PVALEF: variants seen among roughly 807,000 people sequenced by gnomAD.
PVALEF encodes the protein parvalbumin-like EF-hand-containing protein.
Under a neutral mutation model 1.2 loss-of-function variants are expected in PVALEF, and 2 were observed. The observed-to-expected ratio is 1.68, with a 90% CI of 0.69 to 5.28. The LOEUF (loss-of-function observed/expected upper bound fraction) is 5.28. Ranked by LOEUF, PVALEF falls within the 30% of genes most tolerant of loss-of-function variation. The pLI, the probability that PVALEF is intolerant of heterozygous loss-of-function variation, is 0.06. For synonymous variants in PVALEF, 16 were observed against 6.5 expected (o/e 2.47, Z -2.24); for missense variants, 35 against 17.7 (o/e 1.97, Z -1.75).
intron 2 of PVALEF, among the ~76,000 whole-genome samples, chr17:81,178,496 C>T (rs570364340): frequency 7.2e-5 from 11 of 152,298 alleles, no homozygotes; most frequent in African/African-American, 1.4e-4. Flanking sequence ...GGGAGGAGGA[C>T]GTGGCTTGGA....
At chr17:81,176,376 G>A (rs769783176) in intron 2 of PVALEF, among the ~76,000 whole-genome samples, 7 of 152,168 alleles carry the variant, frequency 4.6e-5, no homozygotes, top group African/African-American at 4.8e-5. Context: ...AAAATTAGCC[G>A]GGCATGGTGG....
chr17:81,171,657 A>C (rs1451315950), intron 2 of PVALEF, among the ~76,000 whole-genome samples: 1 of 151,880 alleles, frequency 6.6e-6, no homozygotes, highest in Non-Finnish European at 1.5e-5. Context: ...ACACCCGGCT[A>C]ATTTTTTTGT....
intron 2 of PVALEF, among the ~76,000 whole-genome samples, chr17:81,175,644 T>C (rs1183496428): frequency 6.6e-6 from 1 of 152,110 alleles, no homozygotes; most frequent in Non-Finnish European, 1.5e-5. Flanking sequence ...CATAATATGG[T>C]CAAACGATTG....
rs1303286695 is a variant in PVALEF at position 81,165,718 on chromosome 17, C to CG, written c.-532dup. ...AGGCAGCCACGGAGTCACGACCACGCGGGGGACGCCAGCCCACAGGCGGAG... is the reference window on the plus strand; with the variant it reads ...AGGCAGCCACGGAGTCACGACCACGCGGGGGGACGCCAGCCCACAGGCGGAG... On this transcript the variant is annotated 5_prime_UTR_variant, in exon 1 of 7. It introduces an in-frame stop codon into an upstream open reading frame of the 5' UTR. Transcript: ENST00000637878. 2.0e-6 allele frequency: 3 copies of CG among 1,521,386 alleles called. No homozygotes were observed. Among genetic ancestry groups the CG allele is most frequent in the African/African-American group, 1.4e-5 (1 of 72,506 alleles). 94.2% of individuals were successfully genotyped at this position (1,521,386 alleles called of 1,614,324 possible).
intron 2 of PVALEF, among the ~76,000 whole-genome samples, chr17:81,168,737 G>T (rs897565343): frequency 6.6e-6 from 1 of 152,172 alleles, no homozygotes; most frequent in Non-Finnish European, 1.5e-5. Context: ...AAAAGGCCAA[G>T]AACCCAGCAG....
intron 2 of PVALEF, among the ~76,000 whole-genome samples, chr17:81,174,999 T>G (rs2146447056): frequency 6.6e-6 from 1 of 151,438 alleles, no homozygotes; most frequent in Admixed American, 6.6e-5. Context: ...ATGTTATATG[T>G]AAAGAATCTT....
chr17:81,177,877 C>T (rs1174446286), intron 2 of PVALEF, among the ~76,000 whole-genome samples: 1 of 152,236 alleles, frequency 6.6e-6, no homozygotes, highest in African/African-American at 2.4e-5. Flanking sequence ...TAACTGGCCA[C>T]TAATTGCTGC....
intron 2 of PVALEF, among the ~76,000 whole-genome samples, chr17:81,167,062 GCA>G: frequency 6.6e-6 from 1 of 152,194 alleles, no homozygotes; most frequent in East Asian, 1.9e-4. Context: ...GGAGGCCAGG[GCA>G]GGCGGGTGGC....
intron 3 of PVALEF, among the ~76,000 whole-genome samples, chr17:81,179,741 G>A (rs1302249267): frequency 3.9e-5 from 6 of 152,180 alleles, no homozygotes; most frequent in African/African-American, 1.4e-4. Flanking sequence ...GTTGCTGTGG[G>A]CAGACCACAG....
Position 81,181,663 on chromosome 17 carries a change from A to T in PVALEF, c.211A>T (p.Lys71Ter). 4.9e-6 allele frequency: 2 copies of T among 407,494 alleles called. No individual in the cohort carries two copies. Among genetic ancestry groups the T allele is most frequent in the Non-Finnish European group, 4.3e-6 (1 of 232,092 alleles). 25.2% of individuals were successfully genotyped at this position (407,494 alleles called of 1,614,324 possible). ...GGCCTTCCAGTCCCTGGACAAGGAC[A>T]AGAGTGGCTTCATTGAGTGGAACGA... ...HTAFQSLDKD[K>*]SGFIEWNEIK... Residue 71 changes from lysine (K) to a stop codon, truncating the protein, a stop_gained, in exon 5 of 7, where the codon AAG (lysine) becomes TAG (stop). Transcript: ENST00000637878. LOFTEE classifies it high-confidence loss of function.
intron 2 of PVALEF, among the ~76,000 whole-genome samples, chr17:81,178,478 G>A (rs947526751): frequency 6.4e-4 from 98 of 152,260 alleles, no homozygotes; most frequent in African/African-American, 2.3e-3. Context: ...ACCAGGGGAG[G>A]GTGGTTTGGG....
chr17:81,172,921 C>T (rs538634425), intron 2 of PVALEF, among the ~76,000 whole-genome samples: 1 of 151,992 alleles, frequency 6.6e-6, no homozygotes, highest in East Asian at 1.9e-4. Context: ...TGTGTAAGAA[C>T]CAGAGGGGCA....
chr17:81,175,937 A>G (rs997994681), intron 2 of PVALEF, among the ~76,000 whole-genome samples: 1 of 152,232 alleles, frequency 6.6e-6, no homozygotes, highest in African/African-American at 2.4e-5. Flanking sequence ...TGATTTCATG[A>G]TAACTAAAAA....
Position 81,171,462 on chromosome 17 carries a change from C to T in PVALEF, c.-340+4618C>T, listed in dbSNP as rs368829926. Among the ~76,000 whole-genome samples, 20 of 152,320 alleles carry T rather than the reference C, an allele frequency of 1.3e-4. No homozygotes were observed. In the East Asian group the frequency reaches 1.4e-3, roughly 10 times the overall value. ...TCCAGACGCTGGTTTCTTTGGGTCT[C>T]GTTTTATTAAAAGCATGATTTCCCA... On this transcript the variant is annotated intron_variant, in intron 2 of 6. Transcript: ENST00000637878.
chr17:81,168,412 C>T (rs563246165), intron 2 of PVALEF, among the ~76,000 whole-genome samples: 27 of 152,276 alleles, frequency 1.8e-4, no homozygotes, highest in East Asian at 7.7e-4. Flanking sequence ...TCCCACCCTA[C>T]GTAACCAGAG....
chr17:81,180,559 C>T (rs1432275401), intron 3 of PVALEF, among the ~76,000 whole-genome samples: 1 of 152,198 alleles, frequency 6.6e-6, no homozygotes, highest in Non-Finnish European at 1.5e-5. Context: ...CACCATCTCC[C>T]TTCCCTCCTG....
At position 81,165,649 on chromosome 17, in the gene PVALEF, G is replaced by C; in HGVS notation, c.-606G>C. On this transcript the variant is annotated 5_prime_UTR_variant, in exon 1 of 7. Coordinates refer to ENST00000637878, the MANE Select transcript of PVALEF (RefSeq NM_001354639.2). ...CTGAGACCAACTCTCCTGGACACCA[G>C]GGGCCCACGCAGGCCCTCCGTGCCC... 1 of 1,485,844 alleles carries C rather than the reference G, an allele frequency of 6.7e-7. No homozygotes were observed. The highest frequency in any genetic ancestry group is 1.7e-4 in the Middle Eastern group (1 of 5,764). The allele number at this position is 1,485,844 out of a possible 1,614,324, so 92.0% of individuals were successfully genotyped here. A position where few individuals can be genotyped will look rare whatever the true frequency, so the allele number is the denominator to read the frequency against.
Position 81,181,454 on chromosome 17 carries a change from A to C in PVALEF, c.107-105A>C. ...ACCAGGACCTGCGGCGGGCGGGGAC[A>C]TGGGGGTGCAGGACCCGGCAGCCCC... On this transcript the variant is annotated intron_variant, in intron 4 of 6. Transcript: ENST00000637878. 6 of 516,042 alleles carry C rather than the reference A, an allele frequency of 1.2e-5. No individual in the cohort carries two copies. In the South Asian group the frequency reaches 1.5e-4, roughly 13 times the overall value. 32.0% of individuals were successfully genotyped at this position (516,042 alleles called of 1,614,324 possible).
In PVALEF at chr17:81,181,307, G is replaced by A. The variant is rs1253561908; in HGVS notation, c.81G>A (p.Leu27=). ...GTSLSDKDIE[L]LPTDMRHHGS... ...CCCTATCAGACAAGGACATTGAGCTGCTGCCCACAGACATGAGACACCACG... is the reference window on the plus strand; with the variant it reads ...CCCTATCAGACAAGGACATTGAGCTACTGCCCACAGACATGAGACACCACG... Residue 27 remains leucine, a synonymous_variant, in exon 4 of 7, where the codon CTG becomes CTA. Transcript: ENST00000637878. 1 of 694,708 alleles carries A rather than the reference G, an allele frequency of 1.4e-6. No homozygotes were observed. Among genetic ancestry groups the A allele is most frequent in the Non-Finnish European group, 2.6e-6 (1 of 380,758 alleles). 43.0% of individuals were successfully genotyped at this position (694,708 alleles called of 1,614,324 possible).
Sources: allele counts gnomAD v4.1 joint callset (sites outside exome capture counted in the v4.1 genomes callset), GRCh38; gene constraint gnomAD v4.1.1; transcripts MANE v1.5; gene names NCBI Gene and HGNC (gene_info 2026-07-23, HGNC 2026-07-21).